Variants in SORBS2 observed in about 807,000 individuals in gnomAD.
SORBS2 encodes the protein sorbin and SH3 domain-containing protein 2.
SORBS2 carries 46 observed loss-of-function variants against 97.7 expected under a neutral mutation model. The ratio of observed to expected loss-of-function variants is 0.47; its 90% CI spans 0.37 to 0.60. The LOEUF (loss-of-function observed/expected upper bound fraction) is 0.60, where lower values mean the gene tolerates loss of function less well. Ranked by LOEUF, SORBS2 falls within the 20% of genes least tolerant of loss-of-function variation. The probability of loss-of-function intolerance (pLI) is 0.00; values close to 1 mark genes in which losing one functional copy is unlikely to be tolerated. For missense variants in SORBS2, 1,316 were observed against 1,282.3 expected (o/e 1.03, Z -0.40); for synonymous variants, 476 against 473.4 (o/e 1.01, Z -0.07).
chr4:185,871,877 G>A (rs1435150598), intron 1 of SORBS2, among the ~76,000 whole-genome samples: 6 of 152,192 alleles, frequency 3.9e-5, no homozygotes, highest in African/African-American at 1.4e-4. Context: ...TGATGACAGT[G>A]CCTGGTTTGT....
chr4:185,944,903 GT>G (rs35873924), intron 1 of SORBS2, among the ~76,000 whole-genome samples: 40,896 of 152,032 alleles, frequency 0.27, 5,990 homozygotes, highest in Admixed American at 0.35. Flanking sequence ...GTCAAACCCT[GT>G]TACAAAACCA....
intron 2 of SORBS2, among the ~76,000 whole-genome samples, chr4:185,695,730 C>T (rs2098166727): frequency 6.6e-6 from 1 of 152,194 alleles, no homozygotes. Flanking sequence ...AGTGATTTCA[C>T]TTTTCTATTA....
chr4:185,694,571 T>C (rs1343276723), intron 2 of SORBS2, among the ~76,000 whole-genome samples: 1 of 152,228 alleles, frequency 6.6e-6, no homozygotes, highest in African/African-American at 2.4e-5. Context: ...TAGAGTAGCC[T>C]CCACTGTCAA....
intron 1 of SORBS2, among the ~76,000 whole-genome samples, chr4:185,820,117 C>T (rs903309391): frequency 2.0e-5 from 3 of 152,114 alleles, no homozygotes; most frequent in Non-Finnish European, 4.4e-5. Context: ...CTTCCAATAC[C>T]GTGGGAAACA....
intron 1 of SORBS2, among the ~76,000 whole-genome samples, chr4:185,889,981 A>T (rs2099241643): frequency 6.6e-6 from 1 of 152,064 alleles, no homozygotes; most frequent in South Asian, 2.1e-4. Flanking sequence ...CTGCCTCCCA[A>T]GTTCAAGCAA....
chr4:185,676,398 C>T (rs995194520), intron 4 of SORBS2, among the ~76,000 whole-genome samples: 7 of 152,130 alleles, frequency 4.6e-5, no homozygotes, highest in Admixed American at 1.3e-4. Context: ...CAGAAGGATG[C>T]TATGAGAGAA....
chr4:185,933,964 GCA>G (rs2099267677), intron 1 of SORBS2, among the ~76,000 whole-genome samples: 1 of 152,160 alleles, frequency 6.6e-6, no homozygotes. Flanking sequence ...CTGCTAAGCT[GCA>G]CACTTTCCAG....
At chr4:185,587,495 G>A in exon 15 of SORBS2, 1 of 723,478 alleles carries the variant, frequency 1.4e-6, no homozygotes, top group East Asian at 2.7e-5. Flanking sequence ...TGGTGGTTTG[G>A]TGGCAGGTGG....
At chr4:185,659,693 T>G (rs2097483681), upstream of SORBS2, among the ~76,000 whole-genome samples, 1 of 152,168 alleles carries the variant, frequency 6.6e-6, no homozygotes, top group African/African-American at 2.4e-5. Flanking sequence ...AGTGCTGGGA[T>G]TACAGGCGTG....
intron 1 of SORBS2, among the ~76,000 whole-genome samples, chr4:185,859,015 G>C (rs1389216579): frequency 2.0e-5 from 3 of 152,102 alleles, no homozygotes; most frequent in Non-Finnish European, 4.4e-5. Flanking sequence ...AATATAATGA[G>C]TATATACAAG....
At position 185,690,658 on chromosome 4, in the gene SORBS2, A is replaced by G. The variant is rs114615879; in HGVS notation, c.-197-11836T>C. 1.4e-3 allele frequency: 1,061 copies of G among 785,676 alleles called. 11 individuals are homozygous for G. In the African/African-American group the frequency reaches 0.016, roughly 12 times the overall value. 48.7% of individuals were successfully genotyped at this position (785,676 alleles called of 1,614,324 possible). On this transcript the variant is annotated intron_variant, in intron 2 of 20. Coordinates refer to the SORBS2 transcript ENST00000284776. The stretch of plus-strand genomic sequence containing the variant: ...TAATTGTTCACTAGCATGTGGAAGA[A>G]AATATCATGAAAGTGTGTCGCATTT...
chr4:185,756,707 C>A (rs1392757127), intron 2 of SORBS2, among the ~76,000 whole-genome samples: 1 of 142,356 alleles, frequency 7.0e-6, no homozygotes, highest in African/African-American at 2.6e-5. Context: ...AAATTACAGC[C>A]AACTGTTAAA....
intron 1 of SORBS2, among the ~76,000 whole-genome samples, chr4:185,850,930 C>T (rs1208244232): frequency 6.6e-6 from 1 of 152,144 alleles, no homozygotes; most frequent in African/African-American, 2.4e-5. Context: ...TTCACTCCCT[C>T]TCAGGTTGAA....
At chr4:185,612,514 G>T (rs1454478111) in intron 11 of SORBS2, among the ~76,000 whole-genome samples, 1 of 149,414 alleles carries the variant, frequency 6.7e-6, no homozygotes, top group Non-Finnish European at 1.5e-5. Flanking sequence ...TTTTGAGAGG[G>T]AATCTCACTC....
intron 1 of SORBS2, among the ~76,000 whole-genome samples, chr4:185,855,204 T>A (rs1250221400): frequency 6.6e-6 from 1 of 152,176 alleles, no homozygotes; most frequent in Non-Finnish European, 1.5e-5. Flanking sequence ...GTTTTCAGGT[T>A]AGTAAGTGAG....
At chr4:185,710,955 G>A (rs1049705554) in intron 2 of SORBS2, among the ~76,000 whole-genome samples, 6 of 151,900 alleles carry the variant, frequency 3.9e-5, no homozygotes, top group African/African-American at 1.2e-4. Context: ...TAATTAATTT[G>A]GGATAACTTT....
intron 1 of SORBS2, among the ~76,000 whole-genome samples, chr4:185,803,256 C>T (rs1177588778): frequency 1.3e-5 from 2 of 152,110 alleles, no homozygotes; most frequent in Non-Finnish European, 2.9e-5. Flanking sequence ...CCCCAGGAAA[C>T]ATAATTTTCT....
At chr4:185,609,728 G>A (rs1030426823) in intron 12 of SORBS2, among the ~76,000 whole-genome samples, 8 of 152,216 alleles carry the variant, frequency 5.3e-5, no homozygotes, top group African/African-American at 1.9e-4. Flanking sequence ...ATTTAAATGT[G>A]TCACCAGAGT....
chr4:185,806,073 G>T (rs2099152181), intron 1 of SORBS2, among the ~76,000 whole-genome samples: 2 of 152,312 alleles, frequency 1.3e-5, no homozygotes, highest in Admixed American at 6.5e-5. Flanking sequence ...GTATTAAAAA[G>T]ACCCAGTGAG....
Sources: gnomAD v4.1 joint callset for allele counts (sites outside exome capture counted in the v4.1 genomes callset) on GRCh38, gnomAD v4.1.1 for gene constraint, MANE v1.5 for transcripts, NCBI Gene and HGNC (gene_info 2026-07-23, HGNC 2026-07-21) for gene names.